The following GLT8D1 variants were observed in gnomAD, a reference collection of about 807,000 sequenced individuals.
GLT8D1 encodes glycosyltransferase 8 domain containing 1, also known as glycosyltransferase 8 domain-containing protein 1.
GLT8D1 carries 41 observed loss-of-function variants against 46.2 expected under a neutral mutation model. The ratio of observed to expected loss-of-function variants is 0.89; its 90% CI spans 0.69 to 1.15. GLT8D1 has a LOEUF of 1.15. Ranked by LOEUF, GLT8D1 falls within the 50% of genes most tolerant of loss-of-function variation. The pLI, the probability that GLT8D1 is intolerant of heterozygous loss-of-function variation, is 0.00. For synonymous variants in GLT8D1, 150 were observed against 154.2 expected (o/e 0.97, Z 0.20); for missense variants, 408 against 449.3 (o/e 0.91, Z 0.83).
At chr3:52,695,816 T>C (rs2097332736) in intron 7 of GLT8D1, 112 bp downstream of exon 7, 5 of 692,838 alleles carry the variant, frequency 7.2e-6, no homozygotes, top group Non-Finnish European at 1.3e-5. Context: ...GGCTTGAGTT[T>C]TGGGATGAAA....
chr3:52,695,259 GTGT>G lies in GLT8D1; in HGVS notation c.853_855del (p.Thr285del), dbSNP rs754266311. The G allele has an allele frequency of 2.5e-6, 4 of 1,613,688 alleles. No individual in the cohort carries two copies. Among genetic ancestry groups the G allele is most frequent in the South Asian group, 2.2e-5 (2 of 91,064 alleles). ...TGATAAAATACGATAAGCAGAGGAGGTGTTGTGATGCTACCAGCCAGGGTTCTG... is the reference window on the plus strand; with the variant it reads ...TGATAAAATACGATAAGCAGAGGAGGTGTGATGCTACCAGCCAGGGTTCTG... On this transcript the variant is annotated inframe_deletion, in exon 9 of 10. Coordinates refer to ENST00000266014, the MANE Select transcript of GLT8D1 (RefSeq NM_018446.4).
At chr3:52,695,658 G>A (rs1460842140) in intron 7 of GLT8D1, 71 bp from the exon 8 acceptor site, 10 of 900,900 alleles carry the variant, frequency 1.1e-5, no homozygotes, top group Non-Finnish European at 1.8e-5. Context: ...AGCCAGTAGA[G>A]AGAAGAGCTG....
In GLT8D1 at chr3:52,696,610, T is replaced by C. The variant is rs745397707; in HGVS notation, c.379A>G (p.Asn127Asp). The C allele has an allele frequency of 1.2e-6, 2 of 1,611,386 alleles. No homozygotes were observed. Among genetic ancestry groups the C allele is most frequent in the Non-Finnish European group, 8.5e-7 (1 of 1,177,630 alleles). ...SLKSIRYKIV[N>D]FDPKLLEGKV... ...CCTTCCAAAAGTTTAGGGTCAAAATTGACAATTTTGTATCTGATGCTTTTC... is the reference window on the plus strand; with the variant it reads ...CCTTCCAAAAGTTTAGGGTCAAAATCGACAATTTTGTATCTGATGCTTTTC... The change falls in exon 5 of 10, where the codon AAT (asparagine) becomes GAT (aspartate). Residue 127 changes from asparagine (N) to aspartate (D), a missense_variant. Transcript: ENST00000266014.
At chr3:52,696,505 A>G (rs775150970) in intron 5 of GLT8D1, 37 bp downstream of exon 5, 2 of 1,165,296 alleles carry the variant, frequency 1.7e-6, no homozygotes, top group African/African-American at 3.0e-5. Flanking sequence ...TTATTTCCTA[A>G]TACTGCCAAG....
At chr3:52,697,639 C>A in intron 4 of GLT8D1, 82 bp downstream of exon 4, 2 of 920,656 alleles carry the variant, frequency 2.2e-6, no homozygotes, top group Non-Finnish European at 1.8e-6. Flanking sequence ...AACATACAAA[C>A]CACAGAAAAA....
At chr3:52,704,276 C>T (rs246471) in intron 1 of GLT8D1, among the ~76,000 whole-genome samples, 4 of 151,546 alleles carry the variant, frequency 2.6e-5, no homozygotes, top group African/African-American at 9.7e-5. Flanking sequence ...CTGGCCAACA[C>T]AGTGAAACCC....
intron 1 of GLT8D1, among the ~76,000 whole-genome samples, chr3:52,702,583 T>A (rs910360089): frequency 6.6e-5 from 10 of 151,634 alleles, no homozygotes; most frequent in African/African-American, 2.4e-4. Flanking sequence ...AAACTGTGGA[T>A]CAGCCAGGCA....
chr3:52,700,143 T>C, intron 3 of GLT8D1, 119 bp downstream of exon 3: 1 of 658,836 alleles, frequency 1.5e-6, no homozygotes, highest in Non-Finnish European at 2.7e-6. Flanking sequence ...TTCTGTCAGA[T>C]CAAACCCTTA....
At chr3:52,698,153 A>G (rs1209310900) in intron 3 of GLT8D1, among the ~76,000 whole-genome samples, 3 of 152,230 alleles carry the variant, frequency 2.0e-5, no homozygotes, top group Non-Finnish European at 4.4e-5. Flanking sequence ...ACTTTGGTAC[A>G]CTACTGGTAG....
intron 3 of GLT8D1, among the ~76,000 whole-genome samples, chr3:52,699,665 T>A: frequency 6.6e-6 from 1 of 152,184 alleles, no homozygotes; most frequent in Admixed American, 6.5e-5. Flanking sequence ...TAAACTTTCC[T>A]ACCAGGAACA....
At position 52,700,303 on chromosome 3, in the gene GLT8D1, T is replaced by G. The variant is rs774662293; in HGVS notation, c.74A>C (p.Asn25Thr). 1 of 1,613,756 alleles carries G rather than the reference T, an allele frequency of 6.2e-7. No individual in the cohort carries two copies. Among genetic ancestry groups the G allele is most frequent in the Non-Finnish European group, 8.5e-7 (1 of 1,179,726 alleles). The change falls in exon 3 of 10, where the codon AAC becomes ACC. Residue 25 changes from asparagine to threonine, a missense_variant. Coordinates refer to ENST00000266014, the MANE Select transcript of GLT8D1 (RefSeq NM_018446.4). ...TAACAAACTGCTCAAGCTGAGGAAGTTATGGTGCAAAACCAGTAAGAAGAG... is the reference window on the plus strand; with the variant it reads ...TAACAAACTGCTCAAGCTGAGGAAGGTATGGTGCAAAACCAGTAAGAAGAG... ...VALFLLVLHH[N>T]FLSLSSLLRN...
rs1488467653 is a variant in GLT8D1, at chr3:52,695,042, T to C, written c.926-7A>G. 1.2e-6 allele frequency: 2 copies of C among 1,603,646 alleles called. No individual in the cohort carries two copies. On this transcript the variant is annotated splice_region_variant and splice_polypyrimidine_tract_variant and intron_variant, in intron 9 of 9. Transcript: ENST00000266014. ...CGTTTTCCAGCACTGGAACCTTACA[T>C]TTGAGACAAAAATAGCCACATCGTT... is the stretch of plus-strand genomic sequence containing the variant.
At position 52,695,298 on chromosome 3, in the gene GLT8D1, C is replaced by T. The variant is rs2097331996; in HGVS notation, c.817G>A (p.Gly273Arg). 3.1e-6 allele frequency: 5 copies of T among 1,609,558 alleles called. No homozygotes were observed. Among genetic ancestry groups the T allele is most frequent in the African/African-American group, 1.3e-5 (1 of 74,822 alleles). ...EKWMKLNVEE[G>R]LYSRTLAGSI... is the part of the protein sequence containing the mutation. ...CCAGCCAGGGTTCTGCTATACAGTC[C>T]CTCTCTTGGTGGGACAGAAAACAAA... Residue 273 changes from glycine (G) to arginine (R), a missense_variant, in exon 9 of 10, where the codon GGA becomes AGA. Physicochemically the swap from Gly to Arg is moderately radical, Grantham distance 125 (BLOSUM62 -2). Coordinates refer to ENST00000266014, the MANE Select transcript of GLT8D1 (RefSeq NM_018446.4).
At chr3:52,704,421 T>C (rs1247452776) in intron 1 of GLT8D1, among the ~76,000 whole-genome samples, 2 of 128,344 alleles carry the variant, frequency 1.6e-5, no homozygotes, top group East Asian at 2.3e-4. Flanking sequence ...ATCGCACCAC[T>C]GCACTCCAGC....
intron 3 of GLT8D1, among the ~76,000 whole-genome samples, chr3:52,699,743 A>G (rs376986529): frequency 2.0e-5 from 3 of 152,352 alleles, no homozygotes; most frequent in African/African-American, 7.2e-5. Context: ...ACTCCGTGAA[A>G]GTCAGGGGAA....
chr3:52,699,271 G>A (rs1446114688), intron 3 of GLT8D1, among the ~76,000 whole-genome samples: 1 of 151,972 alleles, frequency 6.6e-6, no homozygotes, highest in Non-Finnish European at 1.5e-5. Flanking sequence ...CCTTCATGGA[G>A]CTTAAATACT....
At chr3:52,700,830 G>A (rs747492614) in intron 1 of GLT8D1, among the ~76,000 whole-genome samples, 17 of 152,250 alleles carry the variant, frequency 1.1e-4, no homozygotes, top group Admixed American at 3.9e-4. Flanking sequence ...TTGGGAGGCC[G>A]AGTGGGGTGG....
chr3:52,696,645 C>T lies in GLT8D1; in HGVS notation c.344G>A (p.Ser115Asn), dbSNP rs762640255. 2.2e-5 allele frequency: 35 copies of T among 1,594,346 alleles called. No individual in the cohort carries two copies. The highest frequency in any genetic ancestry group is 5.5e-5 in the South Asian group (5 of 90,714). ...GTATCTGATGCTTTTCAGGGAATCA[C>T]TGTTGAGCCAGGACCTGATGAAGAT... The part of the protein sequence containing the change: ...TADHLRSWLN[S>N]DSLKSIRYKI... The change falls in exon 5 of 10, where the codon AGT (serine) becomes AAT (asparagine). Residue 115 changes from serine (S) to asparagine (N), a missense_variant. Ser to Asn is a conservative substitution (Grantham distance 46). Coordinates refer to ENST00000266014, the MANE Select transcript of GLT8D1 (RefSeq NM_018446.4).
At chr3:52,704,294 A>C (rs1000880404) in intron 1 of GLT8D1, among the ~76,000 whole-genome samples, 5 of 151,992 alleles carry the variant, frequency 3.3e-5, no homozygotes, top group Non-Finnish European at 7.4e-5. Context: ...CCCCGTCTCC[A>C]CTAAAATCAC....
Sources: allele counts gnomAD v4.1 joint callset (sites outside exome capture counted in the v4.1 genomes callset), GRCh38; gene constraint gnomAD v4.1.1; transcripts MANE v1.5; gene names NCBI Gene and HGNC (gene_info 2026-07-23, HGNC 2026-07-21).